ATRNL1: variants seen among roughly 807,000 people sequenced by gnomAD.
ATRNL1 encodes attractin like 1.
A neutral mutation model predicts 182.7 loss-of-function variants in ATRNL1; 95 were observed. The ratio of observed to expected loss-of-function variants is 0.52; its 90% CI spans 0.44 to 0.62. ATRNL1 has a LOEUF of 0.62. Ranked by LOEUF, ATRNL1 falls within the 20% of genes least tolerant of loss-of-function variation. The pLI, the probability that ATRNL1 is intolerant of heterozygous loss-of-function variation, is 0.00. For missense variants in ATRNL1, 1,471 were observed against 1,679.5 expected, an observed-to-expected ratio of 0.88 and a Z score of 2.17; for synonymous variants, 576 against 568.3, an observed-to-expected ratio of 1.01 and a Z score of -0.19.
intron 21 of ATRNL1, among the ~76,000 whole-genome samples, chr10:115,445,506 C>CGTGTGTGTGTGTGT (rs57237450): frequency 1.7e-5 from 2 of 119,256 alleles, no homozygotes; most frequent in Non-Finnish European, 3.4e-5. Flanking sequence ...CTCATTTGTC[C>CGTGTGTGTGTGTGT]GTGTGTGTGT....
intron 26 of ATRNL1, among the ~76,000 whole-genome samples, chr10:115,665,282 A>G (rs1555039355): frequency 6.6e-6 from 1 of 152,168 alleles, no homozygotes; most frequent in African/African-American, 2.4e-5. Flanking sequence ...GAAGATATTT[A>G]AAGATCACTA....
chr10:115,637,425 T>G (rs1218271099), intron 26 of ATRNL1, among the ~76,000 whole-genome samples: 1 of 151,930 alleles, frequency 6.6e-6, no homozygotes, highest in African/African-American at 2.4e-5. Flanking sequence ...AAAACCAAAG[T>G]TAAAATTTTA....
At chr10:115,383,116 C>CT (rs71473088) in intron 19 of ATRNL1, among the ~76,000 whole-genome samples, 43,808 of 144,288 alleles carry the variant, frequency 0.3, 7,710 homozygotes, top group Middle Eastern at 0.44. Context: ...GTTTGTTTTT[C>CT]TTTTTTTTTT....
intron 20 of ATRNL1, among the ~76,000 whole-genome samples, chr10:115,411,428 G>C (rs1554959886): frequency 6.6e-6 from 1 of 151,824 alleles, no homozygotes; most frequent in Non-Finnish European, 1.5e-5. Context: ...CATTTAATGA[G>C]ATTATTTACT....
At chr10:115,652,435 A>ATTTT (rs1443806432) in intron 26 of ATRNL1, among the ~76,000 whole-genome samples, 3 of 152,124 alleles carry the variant, frequency 2.0e-5, no homozygotes, top group Non-Finnish European at 4.4e-5. Context: ...TGTGATGCAC[A>ATTTT]TTTTATCCCT....
Position 115,093,629 on chromosome 10 carries a change from G to A in ATRNL1, c.-122G>A. 2 of 1,142,756 alleles carry A rather than the reference G, an allele frequency of 1.8e-6. No individual in the cohort carries two copies. Among genetic ancestry groups the A allele is most frequent in the East Asian group, 2.9e-5 (1 of 34,764 alleles). 70.8% of individuals were successfully genotyped at this position (1,142,756 alleles called of 1,614,324 possible). A position where few individuals can be genotyped will look rare whatever the true frequency, so the allele number is the denominator to read the frequency against. ...CCTGACCGGGGAGCGGGACTCGGAC[G>A]GGCGCCGGTGAGGAGGAGGAGAAGC... On this transcript the variant is annotated 5_prime_UTR_variant, in exon 1 of 29. Transcript: ENST00000355044. This position sits in a 1 kb window ranked among gnomAD's most constrained non-coding sequence, Gnocchi z 6.1.
intron 18 of ATRNL1, among the ~76,000 whole-genome samples, chr10:115,316,017 A>T (rs902639300): frequency 5.3e-5 from 8 of 152,092 alleles, no homozygotes; most frequent in African/African-American, 1.7e-4. Flanking sequence ...AAGTTTTGGG[A>T]TACATGTGCA....
chr10:115,398,353 C>G (rs1844389178), intron 20 of ATRNL1, among the ~76,000 whole-genome samples: 2 of 151,888 alleles, frequency 1.3e-5, no homozygotes, highest in African/African-American at 2.4e-5. Flanking sequence ...AAAATTGTAA[C>G]TTAAAAATGA....
At chr10:115,608,190 C>G (rs559364577) in intron 26 of ATRNL1, among the ~76,000 whole-genome samples, 3 of 151,874 alleles carry the variant, frequency 2.0e-5, no homozygotes, top group Non-Finnish European at 4.4e-5. Context: ...TTACACTACT[C>G]AGTGGTATTT....
intron 24 of ATRNL1, among the ~76,000 whole-genome samples, chr10:115,478,554 G>A (rs1554973572): frequency 6.6e-6 from 1 of 151,614 alleles, no homozygotes; most frequent in Non-Finnish European, 1.5e-5. Flanking sequence ...CTGTTATAAT[G>A]GAGACTGATA....
chr10:115,446,144 T>C (rs936848742), intron 21 of ATRNL1, among the ~76,000 whole-genome samples: 10 of 152,174 alleles, frequency 6.6e-5, no homozygotes, highest in African/African-American at 2.2e-4. Flanking sequence ...ATATATGTGC[T>C]ACCCTTCAAC....
Position 115,305,991 on chromosome 10 carries a change from G to T in ATRNL1, c.2818+3948G>T, listed in dbSNP as rs559372167. 3.3e-5 allele frequency among the ~76,000 whole-genome samples: 5 copies of T among 152,242 alleles called. No homozygotes were observed. In the East Asian group the frequency reaches 9.7e-4, roughly 29 times the overall value. ...TTATATTTCACAATAAAAGAGGCTA[G>T]AAAGTAGGGAAAAACTGGTTTGTGA... On this transcript the variant is annotated intron_variant, in intron 17 of 28. Coordinates refer to ENST00000355044, the MANE Select transcript of ATRNL1 (RefSeq NM_207303.4).
Position 115,093,649 on chromosome 10 carries a change from A to G in ATRNL1, c.-102A>G, listed in dbSNP as rs2084933200. 1 of 1,284,116 alleles carries G rather than the reference A, an allele frequency of 7.8e-7. No homozygotes were observed. The highest frequency in any genetic ancestry group is 1.1e-6 in the Non-Finnish European group (1 of 931,860). The allele number at this position is 1,284,116 out of a possible 1,614,324, so 79.5% of individuals were successfully genotyped here. ...CGGACGGGCGCCGGTGAGGAGGAGGAGAAGCGGCGGCGGAGAGGTTTTCTG... is the reference window on the plus strand; with the variant it reads ...CGGACGGGCGCCGGTGAGGAGGAGGGGAAGCGGCGGCGGAGAGGTTTTCTG... On this transcript the variant is annotated 5_prime_UTR_variant, in exon 1 of 29. Coordinates refer to ENST00000355044, the MANE Select transcript of ATRNL1 (RefSeq NM_207303.4). This position sits in a 1 kb window ranked among gnomAD's most constrained non-coding sequence, Gnocchi z 6.1.
chr10:115,428,456 T>C (rs1846003304), intron 21 of ATRNL1, among the ~76,000 whole-genome samples: 1 of 152,026 alleles, frequency 6.6e-6, no homozygotes, highest in African/African-American at 2.4e-5. Flanking sequence ...GAAAGTATTA[T>C]TGTCTTGTTT....
intron 20 of ATRNL1, among the ~76,000 whole-genome samples, chr10:115,401,855 A>G (rs116379257): frequency 0.012 from 1,781 of 152,294 alleles, 33 homozygotes; most frequent in African/African-American, 0.04. Context: ...TCTACCGCAT[A>G]CATTTTATAT....
intron 27 of ATRNL1, among the ~76,000 whole-genome samples, chr10:115,790,687 G>A (rs1949510739): frequency 6.7e-6 from 1 of 150,218 alleles, no homozygotes; most frequent in African/African-American, 2.4e-5. Context: ...GAGAGATCTA[G>A]ACCAGTATGT....
At position 115,847,908 on chromosome 10, in the gene ATRNL1, G is replaced by A; in HGVS notation, c.3935G>A (p.Cys1312Tyr). 1 of 1,612,694 alleles carries A rather than the reference G, an allele frequency of 6.2e-7. No individual in the cohort carries two copies. The highest frequency in any genetic ancestry group is 8.5e-7 in the Non-Finnish European group (1 of 1,178,988). ...GAPKPIAIEP[C>Y]AGNRAAVLTV... is the part of the protein sequence containing the mutation. ...CCCAAGCCAATTGCCATTGAACCAT[G>A]TGCTGGGAACAGAGCTGCTGTTCTG... Residue 1312 changes from cysteine to tyrosine, a missense_variant, in exon 28 of 29, where the codon TGT becomes TAT. This residue lies in a region of ATRNL1 where 437 missense variants were observed against 506.0 expected (regional missense o/e 0.86). Coordinates refer to ENST00000355044, the MANE Select transcript of ATRNL1 (RefSeq NM_207303.4).
intron 26 of ATRNL1, among the ~76,000 whole-genome samples, chr10:115,717,548 C>CTTTGTTTTT (rs1947291511): frequency 1.2e-5 from 1 of 84,350 alleles, no homozygotes. Flanking sequence ...CTGAAATGTT[C>CTTTGTTTTT]TTTTTTTTTT....
intron 28 of ATRNL1, among the ~76,000 whole-genome samples, chr10:115,921,106 C>T (rs551410364): frequency 5.3e-5 from 8 of 152,032 alleles, no homozygotes; most frequent in African/African-American, 1.2e-4. Context: ...TGGAGTTTCA[C>T]GAAAGGAGGT....
Sources: allele counts gnomAD v4.1 joint callset (sites outside exome capture counted in the v4.1 genomes callset), GRCh38; gene constraint gnomAD v4.1.1; regional missense constraint gnomAD v4.1.1; non-coding constraint Gnocchi (gnomAD v3.1); transcripts MANE v1.5; gene names NCBI Gene and HGNC (gene_info 2026-07-23, HGNC 2026-07-21).